The following PLA2G4C variants were observed in gnomAD, a reference collection of about 807,000 sequenced individuals.
The protein encoded by PLA2G4C is phospholipase A2 group IVC.
A neutral mutation model predicts 73.8 loss-of-function variants in PLA2G4C; 64 were observed. That is an observed-to-expected ratio of 0.87 (90% CI 0.71 to 1.07). PLA2G4C has a LOEUF of 1.07. PLA2G4C is among the 50% of genes least tolerant of loss of function. PLA2G4C has a pLI of 0.00. For missense variants in PLA2G4C, 622 were observed against 665.4 expected, an observed-to-expected ratio of 0.93 and a Z score of 0.72; for synonymous variants, 254 against 252.1, an observed-to-expected ratio of 1.01 and a Z score of -0.07.
rs962399050 is a variant in PLA2G4C, at chr19:48,048,169, G to A, written c.*174C>T. 3 of 572,526 alleles carry A rather than the reference G, an allele frequency of 5.2e-6. No individual in the cohort carries two copies. The African/African-American group carries it at 6.0e-5, about 11-fold the overall frequency. 35.5% of individuals were successfully genotyped at this position (572,526 alleles called of 1,614,324 possible). Reference sequence around the variant, plus strand: ...CCTTGGACGCCTTCTTCTGAATGACGCTATCAAAATCACAGTCTAGCTGGT... The same window carrying A: ...CCTTGGACGCCTTCTTCTGAATGACACTATCAAAATCACAGTCTAGCTGGT... On this transcript the variant is annotated 3_prime_UTR_variant, in exon 17 of 17. Coordinates refer to ENST00000599921, the MANE Select transcript of PLA2G4C (RefSeq NM_003706.3).
At position 48,095,507 on chromosome 19, in the gene PLA2G4C, T is replaced by C. The variant is rs781739009; in HGVS notation, c.666A>G (p.Arg222=). ...CTCTCTCAGGGTGAGTTCTGACCAG[T>C]CTTCCCTTCTTGAATTTGCTTCCGA... is the stretch of plus-strand genomic sequence containing the variant. ...THFGSKFKKG[R]LVRTHPERDL... is the part of the protein sequence containing the mutation. Residue 222 remains arginine, a synonymous_variant, in exon 7 of 17, where the codon AGA becomes AGG. Coordinates refer to ENST00000599921, the MANE Select transcript of PLA2G4C (RefSeq NM_003706.3). The C allele has an allele frequency of 1.1e-5, 18 of 1,613,974 alleles. No individual in the cohort carries two copies. In the South Asian group the frequency reaches 1.4e-4, roughly 13 times the overall value.
intron 15 of PLA2G4C, 147 bp from the exon 16 acceptor site, chr19:48,053,294 G>T: frequency 1.3e-5 from 5 of 399,766 alleles, no homozygotes; most frequent in Non-Finnish European, 1.8e-5. Context: ...TATAAATAAA[G>T]TTTTATTGAC....
chr19:48,053,353 G>A (rs190288083), intron 15 of PLA2G4C, among the ~76,000 whole-genome samples: 401 of 148,496 alleles, frequency 2.7e-3, no homozygotes, highest in Middle Eastern at 0.01. Flanking sequence ...TGCCCCTTCC[G>A]GTCCTTTTTT....
At chr19:48,092,160 C>T (rs1181737363) in intron 7 of PLA2G4C, among the ~76,000 whole-genome samples, 2 of 152,136 alleles carry the variant, frequency 1.3e-5, no homozygotes, top group Non-Finnish European at 2.9e-5. Context: ...AGAGATTCTC[C>T]TGCCTCAGCC....
At chr19:48,077,931 G>GT in intron 10 of PLA2G4C, 107 bp from the exon 11 acceptor site, 1 of 831,304 alleles carries the variant, frequency 1.2e-6, no homozygotes. Context: ...GCAGCCATGG[G>GT]TTGGAGTCTG....
intron 1 of PLA2G4C, 27 bp from the exon 2 acceptor site, chr19:48,106,588 C>T: frequency 6.2e-7 from 1 of 1,601,488 alleles, no homozygotes; most frequent in Non-Finnish European, 8.6e-7. Context: ...TCTTCTTAGT[C>T]CTGTGCCCAC....
chr19:48,055,410 T>TATATATA (rs201946576), intron 14 of PLA2G4C, among the ~76,000 whole-genome samples: 11 of 148,358 alleles, frequency 7.4e-5, no homozygotes, highest in African/African-American at 1.0e-4. Flanking sequence ...TATATATATA[T>TATATATA]TTCAATTAGC....
intron 16 of PLA2G4C, among the ~76,000 whole-genome samples, chr19:48,051,253 C>A (rs1967713697): frequency 6.6e-6 from 1 of 152,200 alleles, no homozygotes; most frequent in African/African-American, 2.4e-5. Flanking sequence ...GTTGGCCCTG[C>A]TAACGCTTTG....
At chr19:48,077,189 A>G (rs2030222251) in intron 11 of PLA2G4C, among the ~76,000 whole-genome samples, 1 of 152,140 alleles carries the variant, frequency 6.6e-6, no homozygotes, top group African/African-American at 2.4e-5. Context: ...CATGGATCCT[A>G]TGGTTAGACT....
intron 7 of PLA2G4C, among the ~76,000 whole-genome samples, chr19:48,094,642 G>C (rs1444742198): frequency 6.6e-6 from 1 of 152,172 alleles, no homozygotes; most frequent in Non-Finnish European, 1.5e-5. Flanking sequence ...GGAGCTGTCT[G>C]CCCAGCAGGG....
intron 4 of PLA2G4C, among the ~76,000 whole-genome samples, chr19:48,102,356 T>A (rs2031965618): frequency 6.6e-6 from 1 of 151,550 alleles, no homozygotes; most frequent in South Asian, 2.2e-4. Context: ...CTGGGCATGG[T>A]GGCACGCGTC....
intron 14 of PLA2G4C, among the ~76,000 whole-genome samples, chr19:48,056,872 T>C (rs1022056183): frequency 3.3e-5 from 5 of 149,964 alleles, no homozygotes; most frequent in Non-Finnish European, 7.4e-5. Context: ...TATAAATGTG[T>C]TTCCAGGAAC....
intron 14 of PLA2G4C, 48 bp downstream of exon 14, chr19:48,061,950 G>A (rs2307276): frequency 0.036 from 57,575 of 1,589,648 alleles, 1,419 homozygotes; most frequent in African/African-American, 0.12. Context: ...CAGCTTCGCC[G>A]CAGCCCACCT....
At chr19:48,098,575 A>G (rs898430308) in intron 5 of PLA2G4C, among the ~76,000 whole-genome samples, 18 of 151,594 alleles carry the variant, frequency 1.2e-4, no homozygotes, top group African/African-American at 4.1e-4. Flanking sequence ...CTCCCGCCTC[A>G]GCCACCCAAA....
Position 48,057,480 on chromosome 19 carries a change from C to CTTTT in PLA2G4C, c.1258-2432_1258-2431insAAAA, listed in dbSNP as rs1260409498. Among the ~76,000 whole-genome samples, 23 of 28,072 alleles carry CTTTT rather than the reference C, an allele frequency of 8.2e-4. 3 individuals carry two copies. Among genetic ancestry groups the CTTTT allele is most frequent in the South Asian group, 3.2e-3 (1 of 310 alleles). 18.4% of individuals were successfully genotyped at this position (28,072 alleles called of 152,430 possible). On this transcript the variant is annotated intron_variant, in intron 14 of 16. Coordinates refer to ENST00000599921, the MANE Select transcript of PLA2G4C (RefSeq NM_003706.3). ...GTTTCTTCTTCTTCTTCTTCTTCTT[C>CTTTT]TTCTTTTTTTTTTTTTTTTTTTTTT...
rs1568461502 is a variant in PLA2G4C, at chr19:48,110,525, A to AG, written c.-72dup. Reference sequence around the variant, plus strand: ...TGGGGCGTGTGCGCATGCGCGGTGGAGCTTGTGCTCCGGAATCCGGTGCGG... The same window carrying AG: ...TGGGGCGTGTGCGCATGCGCGGTGGAGGCTTGTGCTCCGGAATCCGGTGCGG... On this transcript the variant is annotated 5_prime_UTR_variant, in exon 1 of 17. Transcript: ENST00000599921. 2.1e-6 allele frequency: 2 copies of AG among 954,578 alleles called. No individual in the cohort carries two copies. The highest frequency in any genetic ancestry group is 4.2e-5 in the Admixed American group (1 of 23,854). The allele number at this position is 954,578 out of a possible 1,614,324, so 59.1% of individuals were successfully genotyped here. A position where few individuals can be genotyped will look rare whatever the true frequency, so the allele number is the denominator to read the frequency against.
chr19:48,082,375 G>A (rs953385055), intron 10 of PLA2G4C, among the ~76,000 whole-genome samples: 2 of 151,938 alleles, frequency 1.3e-5, no homozygotes, highest in Non-Finnish European at 1.5e-5. Flanking sequence ...CTGAAAATGC[G>A]ATAGAAAGCT....
At chr19:48,106,669 GC>G in intron 1 of PLA2G4C, 108 bp from the exon 2 acceptor site, 1 of 825,042 alleles carries the variant, frequency 1.2e-6, no homozygotes, top group Non-Finnish European at 2.1e-6. Flanking sequence ...CTTGTCCACT[GC>G]CCAGACAAAA....
chr19:48,061,944 T>A, intron 14 of PLA2G4C, 54 bp downstream of exon 14: 1 of 1,585,324 alleles, frequency 6.3e-7, no homozygotes, highest in Non-Finnish European at 8.6e-7. Context: ...CAAAGTCAGC[T>A]TCGCCGCAGC....
Sources: gnomAD v4.1 joint callset for allele counts (sites outside exome capture counted in the v4.1 genomes callset) on GRCh38, gnomAD v4.1.1 for gene constraint, MANE v1.5 for transcripts, NCBI Gene and HGNC (gene_info 2026-07-23, HGNC 2026-07-21) for gene names.